The following FOXP2 variants were observed in gnomAD, a reference collection of about 807,000 sequenced individuals.
The protein encoded by FOXP2 is forkhead box protein P2.
FOXP2 carries 12 observed loss-of-function variants against 115.8 expected under a neutral mutation model. The ratio of observed to expected loss-of-function variants is 0.10; its 90% confidence interval spans 0.07 to 0.17. The LOEUF (loss-of-function observed/expected upper bound fraction) is 0.17. Among genes scored for constraint, FOXP2 ranks in the 10% least tolerant of loss-of-function variants. The probability of loss-of-function intolerance (pLI) is 1.00; values close to 1 mark genes in which losing one functional copy is unlikely to be tolerated. For missense variants in FOXP2, 629 were observed against 843.5 expected (o/e 0.75, Z 3.15); for synonymous variants, 328 against 297.7 (o/e 1.10, Z -1.05).
chr7:114,240,872 A>G (rs1163444887), intron 1 of FOXP2, among the ~76,000 whole-genome samples: 1 of 151,990 alleles, frequency 6.6e-6, no homozygotes, highest in Non-Finnish European at 1.5e-5. Context: ...CACTGTTAAC[A>G]CCATTTTAAT....
At chr7:114,371,342 T>G (rs1167335135) in intron 2 of FOXP2, among the ~76,000 whole-genome samples, 4 of 151,584 alleles carry the variant, frequency 2.6e-5, no homozygotes, top group African/African-American at 9.7e-5. Flanking sequence ...TGCCTCAGCC[T>G]CCCAAAGTAC....
rs71157578 is a variant in FOXP2 at position 114,281,095 on chromosome 7, A to ATTT, written c.-101-6902_-101-6900dup. On this transcript the variant is annotated intron_variant, in intron 1 of 17. Transcript: ENST00000634411. ...GAGAAAGGCTTTTTATGCAATTTGAATTTTTTTTTTTTTTTTTTTTTTTTG... is the reference window on the plus strand; with the variant it reads ...GAGAAAGGCTTTTTATGCAATTTGAATTTTTTTTTTTTTTTTTTTTTTTTTTTG... Among the ~76,000 whole-genome samples, 515 of 92,788 alleles carry ATTT rather than the reference A, an allele frequency of 5.6e-3. 3 individuals are homozygous for ATTT. The highest frequency in any genetic ancestry group is 9.1e-3 in the Middle Eastern group (1 of 110). The allele number at this position is 92,788 out of a possible 152,430, so 60.9% of individuals were successfully genotyped here.
At chr7:114,303,985 G>A (rs1796941342) in intron 2 of FOXP2, among the ~76,000 whole-genome samples, 1 of 151,908 alleles carries the variant, frequency 6.6e-6, no homozygotes, top group Non-Finnish European at 1.5e-5. Context: ...GAATAAGTAT[G>A]GCAAATACTT....
At chr7:114,328,710 A>G (rs542016255) in intron 2 of FOXP2, among the ~76,000 whole-genome samples, 193 of 152,284 alleles carry the variant, frequency 1.3e-3, no homozygotes, top group African/African-American at 4.4e-3. Flanking sequence ...CTTATATTCT[A>G]TTACCTTTAT....
At chr7:114,621,594 G>A (rs1299413207) in intron 3 of FOXP2, among the ~76,000 whole-genome samples, 1 of 151,922 alleles carries the variant, frequency 6.6e-6, no homozygotes, top group Non-Finnish European at 1.5e-5. Context: ...CAGTTAGACA[G>A]GCTCATCAGC....
At chr7:114,322,767 A>C (rs1797457527) in intron 2 of FOXP2, among the ~76,000 whole-genome samples, 1 of 152,174 alleles carries the variant, frequency 6.6e-6, no homozygotes, top group Non-Finnish European at 1.5e-5. Context: ...TTAGTGTCAA[A>C]TGTGTTTACT....
intron 2 of FOXP2, among the ~76,000 whole-genome samples, chr7:114,490,200 G>T (rs1796970150): frequency 6.6e-6 from 1 of 152,110 alleles, no homozygotes; most frequent in Admixed American, 6.6e-5. Flanking sequence ...TAGATAAATT[G>T]TGGCATATAT....
chr7:114,412,828 A>T (rs1357875754), upstream of FOXP2, among the ~76,000 whole-genome samples: 1 of 152,156 alleles, frequency 6.6e-6, no homozygotes, highest in Non-Finnish European at 1.5e-5. Context: ...GCTTGCAGAC[A>T]GCAAACCCAG....
intron 2 of FOXP2, among the ~76,000 whole-genome samples, chr7:114,452,093 G>GA (rs768594842): frequency 1.7e-3 from 254 of 151,806 alleles, no homozygotes; most frequent in Non-Finnish European, 2.7e-3. Context: ...AAAAATCATA[G>GA]GTAAATTTGT....
intron 2 of FOXP2, among the ~76,000 whole-genome samples, chr7:114,325,309 T>C (rs1797527680): frequency 6.6e-6 from 1 of 151,920 alleles, no homozygotes; most frequent in African/African-American, 2.4e-5. Context: ...GTATTTGAAA[T>C]TCCATATAGT....
intron 16 of FOXP2, chr7:114,665,141 A>G (rs1327481650): frequency 6.6e-6 from 1 of 152,174 alleles, no homozygotes; most frequent in African/African-American, 2.4e-5. Context: ...TGTATTGTGG[A>G]TTTCAGAAAT....
At chr7:114,528,755 A>G (rs1798994196) in intron 2 of FOXP2, among the ~76,000 whole-genome samples, 1 of 151,866 alleles carries the variant, frequency 6.6e-6, no homozygotes, top group Non-Finnish European at 1.5e-5. Flanking sequence ...CAAACAAAAG[A>G]TGATATTGGT....
At chr7:114,663,340 A>G in intron 14 of FOXP2, 110 bp from the exon 15 acceptor site, 7 of 765,220 alleles carry the variant, frequency 9.1e-6, no homozygotes, top group South Asian at 7.7e-5. Flanking sequence ...TACATCCAGT[A>G]TGGACTATTA....
intron 1 of FOXP2, among the ~76,000 whole-genome samples, chr7:114,146,672 T>C (rs999362607): frequency 2.0e-5 from 3 of 152,218 alleles, no homozygotes; most frequent in Non-Finnish European, 2.9e-5. Context: ...ACTTCAGGAA[T>C]GCTAATTGCT....
chr7:114,592,155 C>T (rs1305946015), intron 3 of FOXP2, among the ~76,000 whole-genome samples: 1 of 151,972 alleles, frequency 6.6e-6, no homozygotes. Context: ...AAATGCTTTT[C>T]AAATTTAAAT....
At chr7:114,188,916 T>C (rs1259403929) in intron 1 of FOXP2, among the ~76,000 whole-genome samples, 1 of 152,210 alleles carries the variant, frequency 6.6e-6, no homozygotes, top group African/African-American at 2.4e-5. Flanking sequence ...AACTCACTTA[T>C]TAGACAATGA....
chr7:114,344,753 A>C (rs767639401), intron 2 of FOXP2, among the ~76,000 whole-genome samples: 2 of 151,818 alleles, frequency 1.3e-5, no homozygotes, highest in Admixed American at 6.6e-5. Flanking sequence ...ACTAAATGCA[A>C]ACTGTTTACA....
At chr7:114,133,240 CT>C (rs1230034139) in intron 1 of FOXP2, among the ~76,000 whole-genome samples, 1 of 152,038 alleles carries the variant, frequency 6.6e-6, no homozygotes, top group East Asian at 1.9e-4. Context: ...ATAATACTTC[CT>C]TTTTCTGAGA....
At chr7:114,404,045 G>T (rs1174667942) in intron 2 of FOXP2, among the ~76,000 whole-genome samples, 1 of 152,082 alleles carries the variant, frequency 6.6e-6, no homozygotes, top group African/African-American at 2.4e-5. Context: ...TAATACTATA[G>T]TTAGCTTTAT....
Sources: gnomAD v4.1 joint callset for allele counts (sites outside exome capture counted in the v4.1 genomes callset) on GRCh38, gnomAD v4.1.1 for gene constraint, MANE v1.5 for transcripts, NCBI Gene and HGNC (gene_info 2026-07-23, HGNC 2026-07-21) for gene names.